The following SYNE1 variants were observed in gnomAD, a reference collection of about 807,000 sequenced individuals.
SYNE1 encodes nesprin-1.
In SYNE1, 616 loss-of-function variants were observed where a neutral mutation model predicts 1,111.0. That is an observed-to-expected ratio of 0.55 (90% CI 0.52 to 0.59). The LOEUF is 0.59. SYNE1 is among the 20% of genes least tolerant of loss of function. SYNE1 has a pLI of 0.00. For synonymous variants in SYNE1, 3,855 were observed against 3,825.8 expected (o/e 1.01, Z -0.28); for missense variants, 10,006 against 10,417.0 (o/e 0.96, Z 1.72).
intron 34 of SYNE1, among the ~76,000 whole-genome samples, chr6:152,433,154 A>G (rs904895697): frequency 5.9e-5 from 9 of 151,712 alleles, no homozygotes; most frequent in Non-Finnish European, 1.2e-4. Flanking sequence ...ATAAAATTGT[A>G]TAAAAGAAAG....
chr6:152,235,809 A>G (rs936604021), intron 110 of SYNE1, among the ~76,000 whole-genome samples: 2 of 152,076 alleles, frequency 1.3e-5, no homozygotes, highest in African/African-American at 2.4e-5. Context: ...TAGCATGATC[A>G]TGGCTCACTG....
At chr6:152,377,583 T>TG (rs2154105813) in intron 56 of SYNE1, among the ~76,000 whole-genome samples, 1 of 115,932 alleles carries the variant, frequency 8.6e-6, no homozygotes, top group African/African-American at 3.4e-5. Context: ...CACTCCAGCC[T>TG]GGGGGACAGA....
rs4645434 is a variant in SYNE1, at chr6:152,344,126, C to A, written c.12180G>T (p.Glu4060Asp). Residue 4060 changes from glutamate (E) to aspartate (D), a missense_variant, in exon 74 of 146, where the codon GAG (glutamate) becomes GAT (aspartate). Coordinates refer to ENST00000367255, the MANE Select transcript of SYNE1 (RefSeq NM_182961.4). ...TACTAAGAGGTGGTTGAGGACTTGGCTCTAAATCCGGCTGGACTGCAGAAA... is the reference window on the plus strand; with the variant it reads ...TACTAAGAGGTGGTTGAGGACTTGGATCTAAATCCGGCTGGACTGCAGAAA... ...AWLSAVQPDL[E>D]PSPQPPLSRA... is the part of the protein sequence containing the mutation. 0.6 allele frequency: 968,759 copies of A among 1,613,888 alleles called. 292,794 individuals carry two copies. Among genetic ancestry groups the A allele is most frequent in the East Asian group, 0.64 (28,908 of 44,852 alleles).
intron 98 of SYNE1, among the ~76,000 whole-genome samples, chr6:152,270,637 A>T (rs73621196): frequency 0.043 from 6,587 of 152,278 alleles, 471 homozygotes; most frequent in African/African-American, 0.15. Context: ...ATTTCAATAT[A>T]ACTCATTCAC....
chr6:152,337,845 TA>T (rs2096437710), intron 75 of SYNE1, among the ~76,000 whole-genome samples: 1 of 152,162 alleles, frequency 6.6e-6, no homozygotes, highest in Non-Finnish European at 1.5e-5. Flanking sequence ...ATCATTTCTG[TA>T]AAAATAAATG....
At position 152,358,711 on chromosome 6, in the gene SYNE1, T is replaced by C. The variant is rs539824384; in HGVS notation, c.10444-174A>G. On this transcript the variant is annotated intron_variant, in intron 65 of 145. Coordinates refer to ENST00000367255, the MANE Select transcript of SYNE1 (RefSeq NM_182961.4). ...TTTATGTAAAAATATAAAAACCTAA[T>C]ATTTCAGGAATAAAAGTGTCATTAA... Among the ~76,000 whole-genome samples, 79 of 152,328 alleles carry C rather than the reference T, an allele frequency of 5.2e-4. No individual in the cohort carries two copies. In the South Asian group the frequency reaches 0.015, roughly 30 times the overall value.
At chr6:152,147,934 C>T in intron 137 of SYNE1, 111 bp downstream of exon 137, 2 of 989,848 alleles carry the variant, frequency 2.0e-6, no homozygotes, top group Non-Finnish European at 3.1e-6. Flanking sequence ...TACAATTTCC[C>T]CGCATGAAAG....
Position 152,376,415 on chromosome 6 carries a change from A to G in SYNE1, c.9290T>C (p.Ile3097Thr), listed in dbSNP as rs756639851. Residue 3097 changes from isoleucine to threonine, a missense_variant, in exon 58 of 146, where the codon ATA (isoleucine) becomes ACA (threonine). Physicochemically the swap from Ile to Thr is moderately conservative, Grantham distance 89. Coordinates refer to ENST00000367255, the MANE Select transcript of SYNE1 (RefSeq NM_182961.4). ...CTGAAGACTAGTTGAAACTTCACTT[A>G]TATTTTGAGGTATATCAAAACACTT... ...TAKCFDIPQN[I>T]SEVSTSLQKI... is the part of the protein sequence containing the mutation. 2.5e-6 allele frequency: 4 copies of G among 1,614,226 alleles called. No individual in the cohort carries two copies. The highest frequency in any genetic ancestry group is 3.4e-6 in the Non-Finnish European group (4 of 1,180,038).
intron 14 of SYNE1, among the ~76,000 whole-genome samples, chr6:152,479,399 C>T (rs1041707302): frequency 1.3e-5 from 2 of 152,178 alleles, no homozygotes; most frequent in Admixed American, 6.5e-5. Context: ...TTCCTTATGA[C>T]TGAAAGCCTT....
chr6:152,328,451 G>A (rs996824280), intron 78 of SYNE1, among the ~76,000 whole-genome samples: 5 of 150,908 alleles, frequency 3.3e-5, no homozygotes, highest in African/African-American at 1.2e-4. Context: ...TGTTGCCTAG[G>A]CTGGAGTGCA....
At chr6:152,372,194 A>C (rs2097202239) in intron 59 of SYNE1, among the ~76,000 whole-genome samples, 1 of 152,204 alleles carries the variant, frequency 6.6e-6, no homozygotes, top group Non-Finnish European at 1.5e-5. Context: ...TGAAGGATTA[A>C]AGAAACATTT....
intron 91 of SYNE1, among the ~76,000 whole-genome samples, chr6:152,303,544 T>A (rs553115203): frequency 1.3e-5 from 2 of 151,978 alleles, no homozygotes; most frequent in Non-Finnish European, 2.9e-5. Flanking sequence ...CACATAGTCA[T>A]CCCTCAGTAA....
intron 72 of SYNE1, among the ~76,000 whole-genome samples, chr6:152,348,013 A>C (rs113608298): frequency 0.027 from 4,033 of 152,036 alleles, 190 homozygotes; most frequent in African/African-American, 0.091. Context: ...AATGGCAAAA[A>C]CTGCAATTAC....
At chr6:152,144,967 T>C (rs1293208086) in intron 137 of SYNE1, 2 of 166,602 alleles carry the variant, frequency 1.2e-5, no homozygotes, top group Non-Finnish European at 2.7e-5. Context: ...CCTCTTAAAT[T>C]AAAATTACAT....
At chr6:152,159,757 G>A (rs76938294) in intron 131 of SYNE1, among the ~76,000 whole-genome samples, 5,804 of 152,096 alleles carry the variant, frequency 0.038, 389 homozygotes, top group African/African-American at 0.13. Context: ...GGGGTGAGCC[G>A]CCACATTCAA....
intron 3 of SYNE1, among the ~76,000 whole-genome samples, chr6:152,574,895 T>G (rs2099490232): frequency 1.3e-5 from 2 of 152,188 alleles, no homozygotes; most frequent in Non-Finnish European, 2.9e-5. Context: ...GTTTGTTTTT[T>G]GTTTTGTTTG....
At chr6:152,376,983 T>C in intron 56 of SYNE1, 71 bp from the exon 57 acceptor site, 1 of 1,552,996 alleles carries the variant, frequency 6.4e-7, no homozygotes, top group Non-Finnish European at 8.8e-7. Context: ...ACACTATACA[T>C]GCATCAATCA....
In SYNE1 at chr6:152,390,305, T is replaced by G; in HGVS notation, c.8152A>C (p.Met2718Leu). Residue 2718 changes from methionine (M) to leucine (L), a missense_variant, in exon 53 of 146, where the codon ATG becomes CTG. Coordinates refer to ENST00000367255, the MANE Select transcript of SYNE1 (RefSeq NM_182961.4). ...CTTTGAGCGTGGACGGAGGAGCTCA[T>G]GATGTCAGCCCACACTTCTTTAAGG... The part of the protein sequence containing the change: ...ETLKEVWADI[M>L]SSSVHAQSTL... 1.2e-6 allele frequency: 2 copies of G among 1,614,130 alleles called. No individual in the cohort carries two copies. Among genetic ancestry groups the G allele is most frequent in the African/African-American group, 1.3e-5 (1 of 75,056 alleles).
At chr6:152,251,373 T>G (rs1289683067) in intron 104 of SYNE1, among the ~76,000 whole-genome samples, 1 of 152,214 alleles carries the variant, frequency 6.6e-6, no homozygotes, top group African/African-American at 2.4e-5. Flanking sequence ...GTCAAGAAGA[T>G]AGTAAAGCAA....
Sources: gnomAD v4.1 joint callset for allele counts (sites outside exome capture counted in the v4.1 genomes callset) on GRCh38, gnomAD v4.1.1 for gene constraint, MANE v1.5 for transcripts, NCBI Gene and HGNC (gene_info 2026-07-23, HGNC 2026-07-21) for gene names.